NTF3: variants seen among roughly 807,000 people sequenced by gnomAD.
NTF3 encodes the protein neurotrophin-3.
NTF3 carries 8 observed loss-of-function variants against 26.3 expected under a neutral mutation model. The ratio of observed to expected loss-of-function variants is 0.30; its 90% CI spans 0.18 to 0.55. The LOEUF is 0.55. Among genes scored for constraint, NTF3 ranks in the 20% least tolerant of loss-of-function variants. The pLI is 0.93. For missense variants in NTF3, 276 were observed against 352.9 expected (o/e 0.78, Z 1.75); for synonymous variants, 154 against 145.5 (o/e 1.06, Z -0.42).
intron 1 of NTF3, among the ~76,000 whole-genome samples, chr12:5,452,375 G>C (rs141682536): frequency 2.6e-5 from 4 of 152,138 alleles, no homozygotes; most frequent in Non-Finnish European, 5.9e-5. Context: ...AATTACAGGC[G>C]TGAGCCACCG....
At chr12:5,440,716 C>A (rs1036598147) in intron 1 of NTF3, among the ~76,000 whole-genome samples, 1 of 152,196 alleles carries the variant, frequency 6.6e-6, no homozygotes, top group Non-Finnish European at 1.5e-5. Context: ...ACTTTCCCTC[C>A]GTGGGCCTCT....
At chr12:5,455,833 C>A (rs1940439370) in intron 1 of NTF3, among the ~76,000 whole-genome samples, 1 of 152,104 alleles carries the variant, frequency 6.6e-6, no homozygotes, top group Non-Finnish European at 1.5e-5. Context: ...GGCTGAAGTG[C>A]CTTTCATGGA....
chr12:5,451,260 A>G (rs765791490), intron 1 of NTF3, among the ~76,000 whole-genome samples: 2 of 152,228 alleles, frequency 1.3e-5, no homozygotes, highest in Admixed American at 6.5e-5. Context: ...TTAAATCAGC[A>G]GGTATAGTTA....
intron 1 of NTF3, among the ~76,000 whole-genome samples, chr12:5,474,501 C>T (rs1481360530): frequency 6.6e-6 from 1 of 152,126 alleles, no homozygotes; most frequent in East Asian, 1.9e-4. Flanking sequence ...GCTGAGGCTG[C>T]TGTGCACAGG....
chr12:5,465,542 C>G (rs1341781612), intron 1 of NTF3, among the ~76,000 whole-genome samples: 1 of 152,230 alleles, frequency 6.6e-6, no homozygotes, highest in Non-Finnish European at 1.5e-5. Context: ...TGCCTCCCAT[C>G]TGCCAAGCAG....
In NTF3 at chr12:5,433,105, C is replaced by A. The variant is rs1367087653; in HGVS notation, c.18+763C>A. On this transcript the variant is annotated intron_variant, in intron 1 of 1. Coordinates refer to ENST00000423158, the MANE Select transcript of NTF3 (RefSeq NM_001102654.2). This position sits in a 1 kb window ranked among gnomAD's most constrained non-coding sequence, Gnocchi z 4.6. The stretch of plus-strand genomic sequence containing the variant: ...TTTTTTCAGAAAAGACCTCGCGCCC[C>A]GGGCTCCTCTTGGCCAGCGCCCACC... 1 of 152,334 alleles carries A rather than the reference C, an allele frequency of 6.6e-6. No individual in the cohort carries two copies. The highest frequency in any genetic ancestry group is 1.5e-5 in the Non-Finnish European group (1 of 68,138). The allele number at this position is 152,334 out of a possible 1,614,324, so 9.4% of individuals were successfully genotyped here.
In NTF3 at chr12:5,494,254, C is replaced by G. The variant is rs781173561; in HGVS notation, c.79C>G (p.Arg27Gly). 3 of 1,614,102 alleles carry G rather than the reference C, an allele frequency of 1.9e-6. No homozygotes were observed. In the South Asian group the frequency reaches 3.3e-5, roughly 18 times the overall value. ...TTATGTGATATTTCTCGCTTATCTC[C>G]GTGGCATCCAAGGTAACAACATGGA... ...LFYVIFLAYLRGIQGNNMDQR... is the reference protein window; with the variant it reads ...LFYVIFLAYLGGIQGNNMDQR... Residue 27 changes from arginine (R) to glycine (G), a missense_variant, in exon 2 of 2, where the codon CGT becomes GGT. Arg to Gly is a moderately radical substitution (Grantham distance 125, BLOSUM62 -2). Coordinates refer to ENST00000423158, the MANE Select transcript of NTF3 (RefSeq NM_001102654.2). This position sits in a 1 kb window ranked among gnomAD's most constrained non-coding sequence, Gnocchi z 8.3.
chr12:5,453,682 T>C (rs910098070), intron 1 of NTF3, among the ~76,000 whole-genome samples: 2 of 152,246 alleles, frequency 1.3e-5, no homozygotes, highest in African/African-American at 2.4e-5. Context: ...CTCATGCTCC[T>C]TCATGCTTCC....
At chr12:5,440,677 C>T (rs1049017438) in intron 1 of NTF3, among the ~76,000 whole-genome samples, 2 of 152,218 alleles carry the variant, frequency 1.3e-5, no homozygotes, top group Non-Finnish European at 2.9e-5. Context: ...GCAGAGAGCC[C>T]AGACTAGCTG....
intron 1 of NTF3, among the ~76,000 whole-genome samples, chr12:5,493,302 A>G (rs1293000010): frequency 6.6e-6 from 1 of 152,246 alleles, no homozygotes; most frequent in Non-Finnish European, 1.5e-5. Flanking sequence ...TTCAACAAGG[A>G]AATAGTAGAA....
At chr12:5,472,501 A>T (rs1940677607) in intron 1 of NTF3, among the ~76,000 whole-genome samples, 1 of 152,222 alleles carries the variant, frequency 6.6e-6, no homozygotes, top group Admixed American at 6.5e-5. Context: ...ATTATATGAC[A>T]TTCGGGACCT....
chr12:5,459,485 G>C (rs548550512), intron 1 of NTF3, among the ~76,000 whole-genome samples: 1 of 152,176 alleles, frequency 6.6e-6, no homozygotes, highest in South Asian at 2.1e-4. Flanking sequence ...CCAGCAAGAG[G>C]CTATTTCCCA....
intron 1 of NTF3, among the ~76,000 whole-genome samples, chr12:5,445,276 T>TA (rs55889670): frequency 6.6e-6 from 1 of 150,880 alleles, no homozygotes; most frequent in Non-Finnish European, 1.5e-5. Flanking sequence ...AGATGATTCC[T>TA]TGGATTAAAT....
intron 1 of NTF3, among the ~76,000 whole-genome samples, chr12:5,454,251 T>C (rs938290808): frequency 6.6e-6 from 1 of 152,206 alleles, no homozygotes. Flanking sequence ...ATCTGTCAAA[T>C]CCTGTGTCTT....
upstream of NTF3, among the ~76,000 whole-genome samples, chr12:5,431,713 A>T (rs1274602207): frequency 2.0e-5 from 3 of 152,200 alleles, no homozygotes; most frequent in Non-Finnish European, 4.4e-5. Flanking sequence ...AAGAAAAAAG[A>T]TCAAAAAGAA....
chr12:5,489,215 A>T (rs114589705), intron 1 of NTF3, among the ~76,000 whole-genome samples: 1,742 of 152,346 alleles, frequency 0.011, 31 homozygotes, highest in African/African-American at 0.04. Context: ...CATAGGGAAT[A>T]CAGGGAGGAG....
At chr12:5,451,114 G>A (rs1355249415) in intron 1 of NTF3, among the ~76,000 whole-genome samples, 1 of 152,042 alleles carries the variant, frequency 6.6e-6, no homozygotes, top group African/African-American at 2.4e-5. Flanking sequence ...CCTTCTTGCT[G>A]TAATTTGAAG....
At chr12:5,452,096 C>CTTTTT (rs56032205) in intron 1 of NTF3, among the ~76,000 whole-genome samples, 7 of 127,012 alleles carry the variant, frequency 5.5e-5, no homozygotes, top group Non-Finnish European at 6.7e-5. Context: ...TTTTTCTTTT[C>CTTTTT]TTTTTTTTTT....
upstream of NTF3, among the ~76,000 whole-genome samples, chr12:5,431,115 C>G (rs962789185): frequency 6.6e-6 from 1 of 152,096 alleles, no homozygotes; most frequent in African/African-American, 2.4e-5. Context: ...GAGATTTTGA[C>G]CCCCTCCCCC....
Sources: gnomAD v4.1 joint callset for allele counts (sites outside exome capture counted in the v4.1 genomes callset) on GRCh38, gnomAD v4.1.1 for gene constraint, Gnocchi (gnomAD v3.1) non-coding constraint, MANE v1.5 for transcripts, NCBI Gene and HGNC (gene_info 2026-07-23, HGNC 2026-07-21) for gene names.